Variants in ENKUR observed in about 807,000 individuals in gnomAD.
ENKUR encodes the protein enkurin.
In ENKUR, 19 loss-of-function variants were observed where a neutral mutation model predicts 27.6. The observed-to-expected ratio is 0.69, with a 90% CI of 0.48 to 1.01. The LOEUF (loss-of-function observed/expected upper bound fraction) is 1.01, where lower values mean the gene tolerates loss of function less well. Among genes scored for constraint, ENKUR ranks in the 50% least tolerant of loss-of-function variants. The probability of loss-of-function intolerance (pLI) is 0.00; values close to 1 mark genes in which losing one functional copy is unlikely to be tolerated. For missense variants in ENKUR, 312 were observed against 310.5 expected (o/e 1.00, Z -0.04); for synonymous variants, 117 against 96.9 (o/e 1.21, Z -1.22).
At chr10:24,994,424 C>G (rs960235694) in intron 3 of ENKUR, among the ~76,000 whole-genome samples, 1 of 151,656 alleles carries the variant, frequency 6.6e-6, no homozygotes, top group Non-Finnish European at 1.5e-5. Flanking sequence ...ACCCCCGCCT[C>G]CTGGGATCAA....
intron 2 of ENKUR, among the ~76,000 whole-genome samples, chr10:25,045,922 T>C (rs1851117068): frequency 1.3e-5 from 2 of 152,184 alleles, no homozygotes; most frequent in Non-Finnish European, 2.9e-5. Context: ...TATAGAGAGA[T>C]ATAAATACAG....
chr10:25,021,037 CTG>C (rs1850708872), upstream of ENKUR, among the ~76,000 whole-genome samples: 1 of 152,172 alleles, frequency 6.6e-6, no homozygotes, highest in Admixed American at 6.5e-5. Context: ...AAGGATTAGA[CTG>C]TGCATGGCAA....
chr10:24,989,347 T>A (rs1849875227), intron 4 of ENKUR, among the ~76,000 whole-genome samples: 1 of 152,190 alleles, frequency 6.6e-6, no homozygotes. Context: ...TGCTAGGCAC[T>A]GGGGATGCTG....
chr10:25,051,752 C>A (rs1851188538), intron 2 of ENKUR, among the ~76,000 whole-genome samples: 1 of 152,218 alleles, frequency 6.6e-6, no homozygotes, highest in African/African-American at 2.4e-5. Flanking sequence ...CAAACTATAT[C>A]AGGTCCTTTC....
intron 2 of ENKUR, among the ~76,000 whole-genome samples, chr10:25,032,722 A>G (rs1457795248): frequency 6.6e-6 from 1 of 152,086 alleles, no homozygotes; most frequent in Non-Finnish European, 1.5e-5. Flanking sequence ...TTAAAGTAGT[A>G]ATTTATGTGT....
intron 2 of ENKUR, chr10:25,025,509 C>G: frequency 1.3e-6 from 2 of 1,496,520 alleles, no homozygotes; most frequent in Non-Finnish European, 1.8e-6. Context: ...TAATAAATCT[C>G]AAACACTGAT....
At chr10:25,027,310 C>G (rs370836369) in intron 2 of ENKUR, among the ~76,000 whole-genome samples, 1 of 136,630 alleles carries the variant, frequency 7.3e-6, no homozygotes, top group Non-Finnish European at 1.5e-5. Flanking sequence ...GAGCCGAAAT[C>G]GCGCCACTGC....
intron 2 of ENKUR, among the ~76,000 whole-genome samples, chr10:25,058,314 C>G (rs766774792): frequency 1.3e-5 from 2 of 152,004 alleles, no homozygotes; most frequent in Non-Finnish European, 2.9e-5. Flanking sequence ...TTCAAGTGAT[C>G]CTCCTGCCTC....
intron 2 of ENKUR, chr10:25,024,594 T>C: frequency 1.2e-6 from 2 of 1,614,192 alleles, no homozygotes; most frequent in Non-Finnish European, 1.7e-6. Flanking sequence ...CTGGCTTTCT[T>C]ACTGTGGAAT....
intron 2 of ENKUR, chr10:25,025,533 G>A (rs1393637271): frequency 7.3e-7 from 1 of 1,372,992 alleles, no homozygotes; most frequent in Non-Finnish European, 9.9e-7. Context: ...GAGTACAGTA[G>A]CATTTTGTCT....
chr10:24,990,348 G>A (rs1849898070), intron 4 of ENKUR, 115 bp downstream of exon 4: 2 of 1,356,686 alleles, frequency 1.5e-6, no homozygotes, highest in East Asian at 2.4e-5. Context: ...AACCCAAAGA[G>A]ATTGTTCTGA....
chr10:25,006,956 G>A (rs1397668307), intron 1 of ENKUR, among the ~76,000 whole-genome samples: 4 of 152,210 alleles, frequency 2.6e-5, no homozygotes, highest in East Asian at 1.9e-4. Flanking sequence ...TAACTGGCAC[G>A]TTTTAAATTC....
intron 2 of ENKUR, among the ~76,000 whole-genome samples, chr10:25,031,175 T>C (rs897765538): frequency 1.3e-4 from 20 of 152,208 alleles, no homozygotes; most frequent in Middle Eastern, 3.2e-3. Flanking sequence ...CCAAACCTTA[T>C]GTGCATGCTA....
intron 2 of ENKUR, chr10:25,023,580 GTTAAACTTC>G (rs759106926): frequency 6.2e-7 from 1 of 1,614,138 alleles, no homozygotes; most frequent in South Asian, 1.1e-5. Flanking sequence ...GAAAAGCTGT[GTTAAACTTC>G]TCTGCATCTG....
intron 3 of ENKUR, among the ~76,000 whole-genome samples, chr10:24,991,473 G>A (rs1021573282): frequency 2.0e-5 from 3 of 151,712 alleles, no homozygotes; most frequent in South Asian, 2.1e-4. Context: ...ATGGAAGAAC[G>A]TATAAGTGGA....
rs1275876754 is a variant in ENKUR at position 24,983,516 on chromosome 10, G to A, written c.*854C>T. ...AATAGCAACCAACCATTCTTGGTAA[G>A]TGAGAATTTGTCATATATTATCCTT... is the stretch of plus-strand genomic sequence containing the variant. On this transcript the variant is annotated 3_prime_UTR_variant, in exon 6 of 6. Coordinates refer to ENST00000331161, the MANE Select transcript of ENKUR (RefSeq NM_145010.4). 1.3e-5 allele frequency: 2 copies of A among 152,128 alleles called. No individual in the cohort carries two copies. The highest frequency in any genetic ancestry group is 4.8e-5 in the African/African-American group (2 of 41,366). The allele number at this position is 152,128 out of a possible 1,614,324, so 9.4% of individuals were successfully genotyped here.
upstream of ENKUR, chr10:25,016,778 G>T (rs555013305): frequency 6.6e-6 from 1 of 152,608 alleles, no homozygotes; most frequent in East Asian, 1.9e-4. Context: ...TCTTCTCAGT[G>T]AGATTTCCTT....
rs1040462734 is a variant in ENKUR at position 25,025,292 on chromosome 10, G to A, written c.38-29423C>T. 6.2e-7 allele frequency: 1 copy of A among 1,614,162 alleles called. No individual in the cohort carries two copies. The highest frequency in any genetic ancestry group is 8.5e-7 in the Non-Finnish European group (1 of 1,180,026). On this transcript the variant is annotated intron_variant, in intron 2 of 5. Coordinates refer to the ENKUR transcript ENST00000615958. ...AAAGAAATCAATGAGACTTCATCAA[G>A]TCAGCTCTATTTGCTGGGTTCATAC...
intron 2 of ENKUR, among the ~76,000 whole-genome samples, chr10:25,059,142 T>C (rs1358846892): frequency 6.7e-6 from 1 of 148,778 alleles, no homozygotes; most frequent in African/African-American, 2.5e-5. Flanking sequence ...CTTTTTTTTT[T>C]TTTTTTTTGA....
Sources: gnomAD v4.1 joint callset for allele counts (sites outside exome capture counted in the v4.1 genomes callset) on GRCh38, gnomAD v4.1.1 for gene constraint, MANE v1.5 for transcripts, NCBI Gene and HGNC (gene_info 2026-07-23, HGNC 2026-07-21) for gene names.